EPG5: variants seen among roughly 807,000 people sequenced by gnomAD.
The protein encoded by EPG5 is ectopic P-granules 5 autophagy tethering factor.
A neutral mutation model predicts 302.7 loss-of-function variants in EPG5; 159 were observed. The ratio of observed to expected loss-of-function variants is 0.53; its 90% CI spans 0.46 to 0.60. The LOEUF (loss-of-function observed/expected upper bound fraction) is 0.60. EPG5 is among the 20% of genes least tolerant of loss of function. The probability of loss-of-function intolerance (pLI) is 0.00; values close to 1 mark genes in which losing one functional copy is unlikely to be tolerated. For synonymous variants in EPG5, 1,158 were observed against 1,136.8 expected, an observed-to-expected ratio of 1.02 and a Z score of -0.37; for missense variants, 2,896 against 3,092.4, an observed-to-expected ratio of 0.94 and a Z score of 1.51.
At chr18:45,899,626 A>G in intron 26 of EPG5, 60 bp from the exon 27 acceptor site, 1 of 1,569,830 alleles carries the variant, frequency 6.4e-7, no homozygotes, top group East Asian at 2.3e-5. Flanking sequence ...GATAGGTGAT[A>G]AAGGCTTCCA....
In EPG5 at chr18:45,934,776, G is replaced by A. The variant is rs752553616; in HGVS notation, c.2257+33C>T. 3 of 1,572,226 alleles carry A rather than the reference G, an allele frequency of 1.9e-6. No individual in the cohort carries two copies. The East Asian group carries it at 6.8e-5, about 35-fold the overall frequency. On this transcript the variant is annotated intron_variant, in intron 11 of 43. Transcript: ENST00000282041. ...GAAGAGAAGCACAAAAAGATAGGGA[G>A]AGCTGGACGCCGACTGCTCGGCGGG...
At chr18:45,870,506 C>A (rs891738622) in intron 36 of EPG5, 61 bp downstream of exon 36, 3 of 1,479,698 alleles carry the variant, frequency 2.0e-6, no homozygotes, top group Non-Finnish European at 1.9e-6. Context: ...ACCACAGTGA[C>A]CAGGCTGCTC....
At chr18:45,904,574 C>T (rs2049702285) in intron 24 of EPG5, among the ~76,000 whole-genome samples, 2 of 151,982 alleles carry the variant, frequency 1.3e-5, no homozygotes, top group Non-Finnish European at 2.9e-5. Flanking sequence ...TTAGCAAAAT[C>T]CATACTGTGG....
chr18:45,831,160 G>A, the EPG5 span, among the ~76,000 whole-genome samples: 1 of 152,234 alleles, frequency 6.6e-6, no homozygotes, highest in Non-Finnish European at 1.5e-5. Flanking sequence ...TGCCTCTTGC[G>A]GCAGTGAACC....
intron 1 of EPG5, among the ~76,000 whole-genome samples, chr18:45,965,498 A>T (rs1361181674): frequency 6.6e-6 from 1 of 152,234 alleles, no homozygotes; most frequent in East Asian, 1.9e-4. Context: ...AGAAATCCAC[A>T]TAAGTCATCT....
At chr18:45,885,167 C>T (rs2049190849) in intron 29 of EPG5, among the ~76,000 whole-genome samples, 1 of 151,938 alleles carries the variant, frequency 6.6e-6, no homozygotes, top group African/African-American at 2.4e-5. Context: ...GGTGAAACCC[C>T]GTCTCTACTA....
Position 45,922,710 on chromosome 18 carries a change from T to C in EPG5, c.2839-110A>G. On this transcript the variant is annotated intron_variant, in intron 15 of 43. Transcript: ENST00000282041. ...ACAATGCCCTCAACGCAGAGGAATA[T>C]TCTACTTGCTGGTCTCCAATTAATG... 3 of 1,298,128 alleles carry C rather than the reference T, an allele frequency of 2.3e-6. No individual in the cohort carries two copies. In the East Asian group the frequency reaches 7.0e-5, roughly 30 times the overall value. 80.4% of individuals were successfully genotyped at this position (1,298,128 alleles called of 1,614,324 possible).
intron 27 of EPG5, among the ~76,000 whole-genome samples, chr18:45,891,498 C>CAAA (rs763632848): frequency 8.0e-5 from 4 of 50,310 alleles, no homozygotes; most frequent in Admixed American, 1.8e-4. Flanking sequence ...GACTCCGTCT[C>CAAA]AAAAAAAAAA....
In EPG5 at chr18:45,901,187, T is replaced by C. The variant is rs1181016789; in HGVS notation, c.4475-20A>G. On this transcript the variant is annotated intron_variant, in intron 25 of 43. Coordinates refer to ENST00000282041, the MANE Select transcript of EPG5 (RefSeq NM_020964.3). ...CTTTAGCTGAAAGAAAATTAAGTCA[T>C]ATATACTGAGCAATCAGGTGAATTA... is the stretch of plus-strand genomic sequence containing the variant. The C allele has an allele frequency of 6.8e-6, 11 of 1,609,058 alleles. No individual in the cohort carries two copies. The highest frequency in any genetic ancestry group is 1.3e-5 in the African/African-American group (1 of 74,824).
chr18:45,904,046 T>C lies in EPG5; in HGVS notation c.4401A>G (p.Thr1467=). ...HEFQETVGLW[T]QAKLESHSTP... ...TGGAATGGGACTCAAGCTTGGCCTG[T>C]GTCCACAGACCAACAGTCTCCTGAA... The change falls in exon 25 of 44, where the codon ACA becomes ACG. Residue 1467 remains threonine (T), a synonymous_variant. Coordinates refer to ENST00000282041, the MANE Select transcript of EPG5 (RefSeq NM_020964.3). 1 of 1,613,496 alleles carries C rather than the reference T, an allele frequency of 6.2e-7. No individual in the cohort carries two copies. The highest frequency in any genetic ancestry group is 2.2e-5 in the East Asian group (1 of 44,824).
chr18:45,858,989 C>A (rs1030479533), intron 40 of EPG5, among the ~76,000 whole-genome samples: 1 of 152,156 alleles, frequency 6.6e-6, no homozygotes, highest in African/African-American at 2.4e-5. Context: ...GACTGGATAG[C>A]CCTCAGGCCA....
At chr18:45,813,778 G>T in the EPG5 span, among the ~76,000 whole-genome samples, 1 of 151,256 alleles carries the variant, frequency 6.6e-6, no homozygotes, top group Non-Finnish European at 1.5e-5. Flanking sequence ...GGTGGGTGGA[G>T]GGGGAGGGAT....
At chr18:45,875,461 T>C (rs71358412) in intron 35 of EPG5, among the ~76,000 whole-genome samples, 7,431 of 152,130 alleles carry the variant, frequency 0.049, 217 homozygotes, top group East Asian at 0.08. Context: ...CAGGGTACAT[T>C]TGAAAAACAA....
chr18:45,878,118 A>G (rs746738832), intron 34 of EPG5, among the ~76,000 whole-genome samples: 1 of 152,238 alleles, frequency 6.6e-6, no homozygotes, highest in African/African-American at 2.4e-5. Context: ...AGTTTATTCA[A>G]CCTCTTATTG....
chr18:45,961,360 T>G (rs758156937), intron 1 of EPG5, among the ~76,000 whole-genome samples: 8 of 152,190 alleles, frequency 5.3e-5, no homozygotes, highest in African/African-American at 1.9e-4. Context: ...GCTATGCTAC[T>G]TTTCTGACTT....
the EPG5 span, among the ~76,000 whole-genome samples, chr18:45,810,879 T>C: frequency 6.6e-6 from 1 of 152,182 alleles, no homozygotes; most frequent in Admixed American, 6.5e-5. Context: ...TCAATAAATG[T>C]GATACAACAC....
At chr18:45,904,860 C>A (rs2049708975) in intron 24 of EPG5, among the ~76,000 whole-genome samples, 1 of 151,680 alleles carries the variant, frequency 6.6e-6, no homozygotes, top group Non-Finnish European at 1.5e-5. Context: ...ATTTTTTTAT[C>A]CCTATCTTTT....
At chr18:45,861,960 TTC>T (rs2048645239) in intron 39 of EPG5, among the ~76,000 whole-genome samples, 1 of 152,188 alleles carries the variant, frequency 6.6e-6, no homozygotes, top group African/African-American at 2.4e-5. Flanking sequence ...ACATTTCTTT[TTC>T]TCTCTTTTGC....
Position 45,916,451 on chromosome 18 carries a change from T to C in EPG5, c.3371A>G (p.Asn1124Ser). The C allele has an allele frequency of 6.2e-7, 1 of 1,612,758 alleles. No individual in the cohort carries two copies. Among genetic ancestry groups the C allele is most frequent in the Non-Finnish European group, 8.5e-7 (1 of 1,178,956 alleles). ...CAAGGCCCTCACCTGGATCATGCTGTTGAGAAGCTTCACGTTGTCCCCATG... is the reference window on the plus strand; with the variant it reads ...CAAGGCCCTCACCTGGATCATGCTGCTGAGAAGCTTCACGTTGTCCCCATG... ...ASHGDNVKLL[N>S]SMIQAHISVS... Residue 1124 changes from asparagine to serine, a missense_variant, in exon 18 of 44, where the codon AAC becomes AGC. Transcript: ENST00000282041.
Sources: allele counts gnomAD v4.1 joint callset (sites outside exome capture counted in the v4.1 genomes callset), GRCh38; gene constraint gnomAD v4.1.1; transcripts MANE v1.5; gene names NCBI Gene and HGNC (gene_info 2026-07-23, HGNC 2026-07-21).